The following FOXN3 variants were observed in gnomAD, a reference collection of about 807,000 sequenced individuals.
FOXN3 encodes the protein forkhead box protein N3.
Under a neutral mutation model 38.4 loss-of-function variants are expected in FOXN3, and 7 were observed. The observed-to-expected ratio is 0.18, with a 90% CI of 0.10 to 0.34. The LOEUF (loss-of-function observed/expected upper bound fraction) is 0.34. Ranked by LOEUF, FOXN3 falls within the 10% of genes least tolerant of loss-of-function variation. FOXN3 has a pLI of 1.00. For missense variants in FOXN3, 456 were observed against 613.4 expected, an observed-to-expected ratio of 0.74 and a Z score of 2.71; for synonymous variants, 230 against 242.2, an observed-to-expected ratio of 0.95 and a Z score of 0.47.
intron 1 of FOXN3, among the ~76,000 whole-genome samples, chr14:89,573,911 G>T (rs1443716183): frequency 6.6e-6 from 1 of 151,990 alleles, no homozygotes; most frequent in Non-Finnish European, 1.5e-5. Flanking sequence ...GGCACCTGTG[G>T]TCCCAGCTAC....
chr14:89,598,972 T>G (rs1896107811), intron 1 of FOXN3, among the ~76,000 whole-genome samples: 1 of 152,190 alleles, frequency 6.6e-6, no homozygotes, highest in Non-Finnish European at 1.5e-5. Flanking sequence ...CTCAGCTATT[T>G]TTTTCCAATT....
intron 4 of FOXN3, among the ~76,000 whole-genome samples, chr14:89,200,343 C>T (rs775858205): frequency 6.6e-6 from 1 of 152,198 alleles, no homozygotes; most frequent in African/African-American, 2.4e-5. Context: ...CCATCTATTA[C>T]CCCTCATTTC....
intron 4 of FOXN3, among the ~76,000 whole-genome samples, chr14:89,220,336 T>C (rs1884425374): frequency 6.6e-6 from 1 of 152,182 alleles, no homozygotes; most frequent in Non-Finnish European, 1.5e-5. Context: ...TGCTCCAGTT[T>C]TCTTATCTGT....
At chr14:89,502,160 T>C (rs2139790839) in intron 1 of FOXN3, among the ~76,000 whole-genome samples, 1 of 152,126 alleles carries the variant, frequency 6.6e-6, no homozygotes. Flanking sequence ...AGACTCCACC[T>C]CAAAAAATAA....
chr14:89,410,209 C>A (rs1289937267), intron 2 of FOXN3, among the ~76,000 whole-genome samples: 1 of 151,882 alleles, frequency 6.6e-6, no homozygotes, highest in East Asian at 1.9e-4. Context: ...TTCATACTCT[C>A]CCATGCCAAA....
intron 3 of FOXN3, among the ~76,000 whole-genome samples, chr14:89,308,158 G>C (rs138799254): frequency 2.6e-5 from 4 of 152,132 alleles, no homozygotes; most frequent in African/African-American, 4.8e-5. Flanking sequence ...CCAGCTACTC[G>C]GGAGGCTGAG....
At chr14:89,503,909 G>C (rs1255869603) in intron 1 of FOXN3, among the ~76,000 whole-genome samples, 1 of 152,204 alleles carries the variant, frequency 6.6e-6, no homozygotes, top group East Asian at 1.9e-4. Flanking sequence ...GCGACGCCAT[G>C]AAACAGGCTC....
chr14:89,332,244 T>C (rs1043279974), intron 3 of FOXN3, among the ~76,000 whole-genome samples: 10 of 152,222 alleles, frequency 6.6e-5, no homozygotes, highest in Non-Finnish European at 1.0e-4. Context: ...CAGTTAACTA[T>C]GACTCACTAA....
At position 89,342,191 on chromosome 14, in the gene FOXN3, A is replaced by G. The variant is rs115995611; in HGVS notation, c.680+8481T>C. Among the ~76,000 whole-genome samples, 1,114 of 152,340 alleles carry G rather than the reference A, an allele frequency of 7.3e-3. 12 individuals carry two copies. The highest frequency in any genetic ancestry group is 0.025 in the African/African-American group (1,053 of 41,564). On this transcript the variant is annotated intron_variant, in intron 3 of 5. Transcript: ENST00000557258. ...ACTCGGAGTGGTTCTCTCAGTCACG[A>G]GTTTGACTCAGTACCTGAGTAAAAT... is the stretch of plus-strand genomic sequence containing the variant.
chr14:89,355,265 G>A (rs975160161), intron 2 of FOXN3: 3 of 147,480 alleles, frequency 2.0e-5, no homozygotes, highest in Non-Finnish European at 4.5e-5. Flanking sequence ...TCACTCTGTC[G>A]TGCCCAGGCT....
chr14:89,434,670 C>T (rs891287685), intron 1 of FOXN3, among the ~76,000 whole-genome samples: 2 of 152,188 alleles, frequency 1.3e-5, no homozygotes, highest in African/African-American at 4.8e-5. Flanking sequence ...CCATTTTCAA[C>T]TCACAGAATA....
At chr14:89,373,449 A>C (rs1207869786) in intron 2 of FOXN3, among the ~76,000 whole-genome samples, 1 of 144,428 alleles carries the variant, frequency 6.9e-6, no homozygotes, top group Non-Finnish European at 1.5e-5. Flanking sequence ...GGGAGCACGT[A>C]AGCAGAAAGT....
In FOXN3 at chr14:89,162,773, C is replaced by G; in HGVS notation, c.1048G>C (p.Gly350Arg). The change falls in exon 6 of 6, where the codon GGG (glycine) becomes CGG (arginine). Residue 350 changes from glycine (G) to arginine (R), a missense_variant. By Grantham distance (125) the Gly-to-Arg change is moderately radical. Transcript: ENST00000557258. The surrounding 1 kb of genome is among the most constrained non-coding windows in gnomAD (Gnocchi z 7.2). Reference protein sequence around the residue: ...ADDHYEFATKGSQEGSEGSEG... With the variant: ...ADDHYEFATKRSQEGSEGSEG... ...CTGCCCTCGCTGCCCTCCTGGCTCC[C>G]CTTGGTGGCAAACTCATAGTGGTCG... The G allele has an allele frequency of 6.2e-7, 1 of 1,613,046 alleles. No homozygotes were observed. Among genetic ancestry groups the G allele is most frequent in the African/African-American group, 1.3e-5 (1 of 75,034 alleles).
At chr14:89,174,841 C>G (rs1406555363) in intron 5 of FOXN3, among the ~76,000 whole-genome samples, 1 of 152,138 alleles carries the variant, frequency 6.6e-6, no homozygotes, top group South Asian at 2.1e-4. Flanking sequence ...CCTCCCACTA[C>G]AAAGCAAAAT....
chr14:89,384,941 C>A (rs1890751400), intron 2 of FOXN3, among the ~76,000 whole-genome samples: 1 of 152,142 alleles, frequency 6.6e-6, no homozygotes, highest in Admixed American at 6.6e-5. Context: ...GGAGAAACAG[C>A]CTTACAATGA....
intron 1 of FOXN3, among the ~76,000 whole-genome samples, chr14:89,444,984 A>G (rs183826664): frequency 1.3e-5 from 2 of 152,150 alleles, no homozygotes; most frequent in African/African-American, 4.8e-5. Flanking sequence ...TTAGCTGGAC[A>G]TGGTAGCACA....
At chr14:89,569,482 G>C (rs894836761) in intron 1 of FOXN3, among the ~76,000 whole-genome samples, 1 of 152,134 alleles carries the variant, frequency 6.6e-6, no homozygotes, top group Non-Finnish European at 1.5e-5. Context: ...GCGGCTGTGT[G>C]ATCACACTGA....
intron 2 of FOXN3, among the ~76,000 whole-genome samples, chr14:89,393,785 C>T (rs1160033899): frequency 6.6e-6 from 1 of 152,198 alleles, no homozygotes; most frequent in Non-Finnish European, 1.5e-5. Flanking sequence ...AGAAATGACA[C>T]ACTGACAGTT....
chr14:89,479,833 T>C (rs1893286296), intron 1 of FOXN3, among the ~76,000 whole-genome samples: 1 of 152,170 alleles, frequency 6.6e-6, no homozygotes, highest in Admixed American at 6.5e-5. Flanking sequence ...ATTAACTGTT[T>C]CCGGGGAGCA....
Sources: allele counts gnomAD v4.1 joint callset (sites outside exome capture counted in the v4.1 genomes callset), GRCh38; gene constraint gnomAD v4.1.1; non-coding constraint Gnocchi (gnomAD v3.1); transcripts MANE v1.5; gene names NCBI Gene and HGNC (gene_info 2026-07-23, HGNC 2026-07-21).